The following GBE1 variants were observed in gnomAD, a reference collection of about 807,000 sequenced individuals.
GBE1 encodes 1,4-alpha-glucan-branching enzyme.
GBE1 carries 70 observed loss-of-function variants against 88.8 expected under a neutral mutation model. The observed-to-expected ratio is 0.79, with a 90% CI of 0.65 to 0.96. The LOEUF is 0.96. GBE1 is among the 40% of genes least tolerant of loss of function. The pLI is 0.00. For missense variants in GBE1, 872 were observed against 871.0 expected, an observed-to-expected ratio of 1.00 and a Z score of -0.01; for synonymous variants, 284 against 300.1, an observed-to-expected ratio of 0.95 and a Z score of 0.56.
intron 1 of GBE1, among the ~76,000 whole-genome samples, chr3:81,737,802 G>A (rs556490476): frequency 2.0e-4 from 31 of 151,806 alleles, no homozygotes; most frequent in African/African-American, 5.8e-4. Flanking sequence ...TGCACAATGC[G>A]CAGGTTAGTT....
rs140571802 is a variant in GBE1, at chr3:81,577,962, C to G, written c.1581G>C (p.Thr527=). ...GATAGCCTTCTCCACCAAGCCCATGCGTAATGAGTCGAATCATTTTATGAA... is the reference window on the plus strand; with the variant it reads ...GATAGCCTTCTCCACCAAGCCCATGGGTAATGAGTCGAATCATTTTATGAA... ...IQLHKMIRLI[T]HGLGGEGYLN... The change falls in exon 12 of 16, where the codon ACG becomes ACC. Residue 527 remains threonine (T), a synonymous_variant. Transcript: ENST00000429644. 6.2e-7 allele frequency: 1 copy of G among 1,605,892 alleles called. No individual in the cohort carries two copies. Among genetic ancestry groups the G allele is most frequent in the Non-Finnish European group, 8.5e-7 (1 of 1,176,994 alleles).
At chr3:81,750,659 G>GTATGTATATATATATGTGTA (rs1706511943) in intron 1 of GBE1, among the ~76,000 whole-genome samples, 2 of 35,300 alleles carry the variant, frequency 5.7e-5, no homozygotes, top group South Asian at 1.4e-3. Flanking sequence ...ATATATATAT[G>GTATGTATATATATATGTGTA]TATATATATA....
At chr3:81,640,401 C>G (rs1000898019) in intron 7 of GBE1, among the ~76,000 whole-genome samples, 3 of 151,970 alleles carry the variant, frequency 2.0e-5, no homozygotes, top group East Asian at 1.9e-4. Context: ...GCTTCCTGTC[C>G]TCGAATATCA....
rs1297879927 is a variant in GBE1, at chr3:81,761,496, C to A, written c.22G>T (p.Ala8Ser). The A allele has an allele frequency of 1.2e-6, 2 of 1,600,954 alleles. No homozygotes were observed. Among genetic ancestry groups the A allele is most frequent in the Non-Finnish European group, 8.5e-7 (1 of 1,175,186 alleles). ...GCCTCGTAGTCCTCGGGCCGAGCCG[C>A]GGGAGTCATCGGAGCCGCCATATTC... is the stretch of plus-strand genomic sequence containing the variant. MAAPMTP[A>S]ARPEDYEAAL... The change falls in exon 1 of 16, where the codon GCG becomes TCG. Residue 8 changes from alanine (A) to serine (S), a missense_variant. Coordinates refer to ENST00000429644, the MANE Select transcript of GBE1 (RefSeq NM_000158.4).
At chr3:81,511,817 A>G (rs843939) in intron 14 of GBE1, among the ~76,000 whole-genome samples, 148,354 of 151,166 alleles carry the variant, frequency 0.98, 72,869 homozygotes, top group East Asian at 1. Flanking sequence ...ATTCAACCCA[A>G]CAATCTCACT....
intron 2 of GBE1, among the ~76,000 whole-genome samples, chr3:81,679,568 T>C (rs1228820921): frequency 6.6e-6 from 1 of 152,208 alleles, no homozygotes; most frequent in Admixed American, 6.5e-5. Flanking sequence ...GGCACTCAAA[T>C]AATTTTCTGT....
chr3:81,604,477 G>C (rs1039020073), intron 7 of GBE1, among the ~76,000 whole-genome samples: 1 of 151,624 alleles, frequency 6.6e-6, no homozygotes, highest in Admixed American at 6.6e-5. Context: ...TGTAGAGGCA[G>C]GGTTTTGTCA....
At chr3:81,589,080 T>A (rs1307310879) in intron 9 of GBE1, among the ~76,000 whole-genome samples, 2 of 152,136 alleles carry the variant, frequency 1.3e-5, no homozygotes. Flanking sequence ...AAACATACTC[T>A]AAATATAAAA....
chr3:81,705,327 T>G, intron 2 of GBE1, 117 bp downstream of exon 2: 1 of 770,010 alleles, frequency 1.3e-6, no homozygotes, highest in Non-Finnish European at 2.0e-6. Flanking sequence ...CTGAAAAGTC[T>G]GATATTTATT....
intron 14 of GBE1, among the ~76,000 whole-genome samples, chr3:81,505,971 C>A (rs1338090858): frequency 6.6e-6 from 1 of 151,868 alleles, no homozygotes; most frequent in Non-Finnish European, 1.5e-5. Context: ...CTATAAAAAC[C>A]CTGAAAGACA....
At chr3:81,580,202 A>G (rs895340829) in intron 11 of GBE1, among the ~76,000 whole-genome samples, 2 of 152,144 alleles carry the variant, frequency 1.3e-5, no homozygotes, top group African/African-American at 4.8e-5. Flanking sequence ...TTTTATGTTG[A>G]TGTGTATGAG....
intron 1 of GBE1, among the ~76,000 whole-genome samples, chr3:81,756,126 T>C (rs191853045): frequency 2.6e-5 from 4 of 152,286 alleles, no homozygotes; most frequent in East Asian, 1.9e-4. Flanking sequence ...CAGCTACAAC[T>C]TGACATCAGA....
In GBE1 at chr3:81,733,882, TACTC is replaced by T. The variant is rs968501413; in HGVS notation, c.143+27489_143+27492del. The stretch of plus-strand genomic sequence containing the variant: ...ACAACAGTACCTGGCTCATAGTAAA[TACTC>T]AATAAATTGCTGGCATGGATTCTGT... On this transcript the variant is annotated intron_variant, in intron 1 of 15. Transcript: ENST00000429644. The surrounding 1 kb of genome is among the most constrained non-coding windows in gnomAD (Gnocchi z 4.0). Among the ~76,000 whole-genome samples, 3 of 152,172 alleles carry T rather than the reference TACTC, an allele frequency of 2.0e-5. No individual in the cohort carries two copies. Among genetic ancestry groups the T allele is most frequent in the African/African-American group, 4.8e-5 (2 of 41,456 alleles).
chr3:81,637,410 G>A (rs949050087), intron 7 of GBE1, among the ~76,000 whole-genome samples: 10 of 152,090 alleles, frequency 6.6e-5, no homozygotes, highest in African/African-American at 9.7e-5. Context: ...AAATGGGGGC[G>A]CCTACTGTTC....
Position 81,742,918 on chromosome 3 carries a change from A to G in GBE1, c.143+18457T>C, listed in dbSNP as rs184007404. Among the ~76,000 whole-genome samples the G allele has an allele frequency of 2.9e-3, 443 of 152,172 alleles. 2 individuals carry two copies. Among genetic ancestry groups the G allele is most frequent in the Middle Eastern group, 6.8e-3 (2 of 294 alleles). ...CTACATGATAAAAGAATTACTCCCAACTGTTTCTAGGGACCCTCCAACAAC... is the reference window on the plus strand; with the variant it reads ...CTACATGATAAAAGAATTACTCCCAGCTGTTTCTAGGGACCCTCCAACAAC... On this transcript the variant is annotated intron_variant, in intron 1 of 15. Transcript: ENST00000429644.
At chr3:81,731,345 T>C (rs1482472420) in intron 1 of GBE1, among the ~76,000 whole-genome samples, 1 of 152,158 alleles carries the variant, frequency 6.6e-6, no homozygotes, top group Non-Finnish European at 1.5e-5. Flanking sequence ...GATTTTCTTG[T>C]TTCACATTAG....
chr3:81,624,407 A>G (rs1382622908), intron 7 of GBE1, among the ~76,000 whole-genome samples: 1 of 152,206 alleles, frequency 6.6e-6, no homozygotes, highest in Admixed American at 6.5e-5. Context: ...TTACTTAGGC[A>G]TCAACATTTG....
At chr3:81,739,059 T>C (rs963024473) in intron 1 of GBE1, among the ~76,000 whole-genome samples, 16 of 152,182 alleles carry the variant, frequency 1.1e-4, no homozygotes, top group Non-Finnish European at 1.8e-4. Flanking sequence ...AATGAGCTTC[T>C]TCGTGCCTCT....
At chr3:81,752,602 C>T (rs749527371) in intron 1 of GBE1, among the ~76,000 whole-genome samples, 1 of 152,160 alleles carries the variant, frequency 6.6e-6, no homozygotes, top group African/African-American at 2.4e-5. Context: ...ACTCATCTTG[C>T]CTTCAGCTTA....
Sources: allele counts gnomAD v4.1 joint callset (sites outside exome capture counted in the v4.1 genomes callset), GRCh38; gene constraint gnomAD v4.1.1; non-coding constraint Gnocchi (gnomAD v3.1); transcripts MANE v1.5; gene names NCBI Gene and HGNC (gene_info 2026-07-23, HGNC 2026-07-21).